Variants in SPIDR observed in about 807,000 individuals in gnomAD.
The protein encoded by SPIDR is scaffold protein involved in DNA repair.
A neutral mutation model predicts 104.6 loss-of-function variants in SPIDR; 93 were observed. The observed-to-expected ratio is 0.89, with a 90% confidence interval of 0.75 to 1.06. The LOEUF (loss-of-function observed/expected upper bound fraction) is 1.06. SPIDR is among the 50% of genes least tolerant of loss of function. The pLI is 0.00. For missense variants in SPIDR, 1,154 were observed against 1,111.2 expected (o/e 1.04, Z -0.55); for synonymous variants, 431 against 416.9 (o/e 1.03, Z -0.41).
chr8:47,391,142 G>A (rs1554651714), intron 5 of SPIDR, among the ~76,000 whole-genome samples: 1 of 152,104 alleles, frequency 6.6e-6, no homozygotes, highest in East Asian at 1.9e-4. Context: ...TGTTCATCTG[G>A]GGTTATGGAC....
chr8:47,529,157 C>G (rs973373570), intron 8 of SPIDR, among the ~76,000 whole-genome samples: 1 of 152,110 alleles, frequency 6.6e-6, no homozygotes, highest in African/African-American at 2.4e-5. Context: ...CCCGGTGGCT[C>G]GGGCCTGTAA....
intron 5 of SPIDR, among the ~76,000 whole-genome samples, chr8:47,345,228 C>G (rs1382257877): frequency 6.6e-6 from 1 of 152,122 alleles, no homozygotes; most frequent in African/African-American, 2.4e-5. Context: ...GAATCCTTTC[C>G]CCATTTCTTG....
chr8:47,509,843 A>G (rs1334913886), intron 8 of SPIDR, among the ~76,000 whole-genome samples: 1 of 152,144 alleles, frequency 6.6e-6, no homozygotes, highest in Non-Finnish European at 1.5e-5. Flanking sequence ...GTGCATGCGT[A>G]TAATATGATG....
intron 14 of SPIDR, among the ~76,000 whole-genome samples, chr8:47,710,780 T>A (rs1289155460): frequency 2.6e-5 from 4 of 151,810 alleles, no homozygotes; most frequent in Admixed American, 1.3e-4. Flanking sequence ...CTAATTTTTT[T>A]AATTTTTTTT....
At chr8:47,535,174 G>A (rs2086696440) in intron 8 of SPIDR, among the ~76,000 whole-genome samples, 1 of 152,116 alleles carries the variant, frequency 6.6e-6, no homozygotes, top group Non-Finnish European at 1.5e-5. Flanking sequence ...GCACTGCTGG[G>A]TTCACTGGTA....
At chr8:47,410,038 C>A (rs1026547973) in intron 7 of SPIDR, among the ~76,000 whole-genome samples, 4 of 152,024 alleles carry the variant, frequency 2.6e-5, no homozygotes, top group Admixed American at 1.3e-4. Flanking sequence ...TAAAAAAATA[C>A]AAAAAACTCC....
intron 16 of SPIDR, among the ~76,000 whole-genome samples, chr8:47,715,149 TC>T (rs1218067618): frequency 6.6e-6 from 1 of 151,986 alleles, no homozygotes; most frequent in Admixed American, 6.6e-5. Flanking sequence ...ATTTGCCTGT[TC>T]TGCTTTTTGG....
chr8:47,469,711 G>A (rs988748248), intron 8 of SPIDR, among the ~76,000 whole-genome samples: 7 of 152,030 alleles, frequency 4.6e-5, no homozygotes, highest in Admixed American at 2.0e-4. Flanking sequence ...CAGACATGGG[G>A]GCCTACTGGA....
chr8:47,629,723 C>T (rs554612074), intron 10 of SPIDR, among the ~76,000 whole-genome samples: 22 of 152,326 alleles, frequency 1.4e-4, no homozygotes, highest in African/African-American at 5.3e-4. Context: ...TACTGCACTC[C>T]AGCCTGGGTG....
At chr8:47,418,570 G>A (rs1458739389) in intron 7 of SPIDR, among the ~76,000 whole-genome samples, 1 of 152,134 alleles carries the variant, frequency 6.6e-6, no homozygotes, top group Non-Finnish European at 1.5e-5. Flanking sequence ...TGCAAACAGG[G>A]ACAATTTGAC....
chr8:47,293,267 A>T (rs1249037483), intron 4 of SPIDR, among the ~76,000 whole-genome samples: 13 of 152,198 alleles, frequency 8.5e-5, no homozygotes, highest in Middle Eastern at 3.4e-3. Flanking sequence ...TTAGTGAAAA[A>T]GTCTAGCTGT....
chr8:47,683,694 A>T (rs929967441), intron 11 of SPIDR, among the ~76,000 whole-genome samples: 1 of 152,192 alleles, frequency 6.6e-6, no homozygotes, highest in African/African-American at 2.4e-5. Flanking sequence ...TGAGTGTCAC[A>T]TCAGTGCACA....
intron 8 of SPIDR, among the ~76,000 whole-genome samples, chr8:47,542,349 C>T (rs558949337): frequency 3.2e-4 from 49 of 151,824 alleles, no homozygotes; most frequent in African/African-American, 1.1e-3. Flanking sequence ...GAGGCAAATC[C>T]GAGGAGACCC....
At chr8:47,368,127 A>G (rs2057461692) in intron 5 of SPIDR, among the ~76,000 whole-genome samples, 1 of 151,972 alleles carries the variant, frequency 6.6e-6, no homozygotes, top group Non-Finnish European at 1.5e-5. Context: ...CACATGGTGG[A>G]AGGGACAAGG....
chr8:47,329,265 G>T (rs924442748), intron 5 of SPIDR, among the ~76,000 whole-genome samples: 2 of 152,064 alleles, frequency 1.3e-5, no homozygotes, highest in Non-Finnish European at 2.9e-5. Context: ...TAGAGATGGG[G>T]TTTCACCGTG....
intron 5 of SPIDR, among the ~76,000 whole-genome samples, chr8:47,312,049 T>C (rs1271452188): frequency 2.0e-5 from 3 of 152,214 alleles, no homozygotes; most frequent in Admixed American, 2.0e-4. Flanking sequence ...GGACATGAAC[T>C]CTTCATTTTT....
intron 7 of SPIDR, among the ~76,000 whole-genome samples, chr8:47,411,727 C>T (rs1389006716): frequency 6.6e-6 from 1 of 152,150 alleles, no homozygotes; most frequent in Non-Finnish European, 1.5e-5. Context: ...GAAGTCCTTG[C>T]CCATGCCCAT....
At chr8:47,599,508 T>G (rs2062008984) in intron 10 of SPIDR, among the ~76,000 whole-genome samples, 1 of 152,228 alleles carries the variant, frequency 6.6e-6, no homozygotes, top group African/African-American at 2.4e-5. Flanking sequence ...GACATGTGGT[T>G]GTCATACCTC....
chr8:47,448,691 TG>T (rs1448926095), intron 8 of SPIDR, among the ~76,000 whole-genome samples: 1 of 151,872 alleles, frequency 6.6e-6, no homozygotes, highest in Non-Finnish European at 1.5e-5. Flanking sequence ...TGTGTGTGCT[TG>T]GGGAGACTAC....
Sources: allele counts gnomAD v4.1 joint callset (sites outside exome capture counted in the v4.1 genomes callset), GRCh38; gene constraint gnomAD v4.1.1; transcripts MANE v1.5; gene names NCBI Gene and HGNC (gene_info 2026-07-23, HGNC 2026-07-21).